The following IFT80 variants were observed in gnomAD, a reference collection of about 807,000 sequenced individuals.
IFT80 encodes the protein intraflagellar transport 80, also known as intraflagellar transport protein 80 homolog.
In IFT80, 79 loss-of-function variants were observed where a neutral mutation model predicts 107.9. The ratio of observed to expected loss-of-function variants is 0.73; its 90% CI spans 0.61 to 0.88. The LOEUF is 0.88. IFT80 is among the 40% of genes least tolerant of loss of function. IFT80 has a pLI of 0.00. For synonymous variants in IFT80, 299 were observed against 300.9 expected (o/e 0.99, Z 0.07); for missense variants, 797 against 914.2 (o/e 0.87, Z 1.65).
intron 19 of IFT80, among the ~76,000 whole-genome samples, chr3:160,266,184 C>G (rs1200117585): frequency 6.6e-6 from 1 of 151,316 alleles, no homozygotes; most frequent in African/African-American, 2.4e-5. Context: ...CCTAAAATAC[C>G]TAAGAAAGCC....
chr3:160,389,375 A>C (rs1481040401), intron 1 of IFT80, among the ~76,000 whole-genome samples: 1 of 151,960 alleles, frequency 6.6e-6, no homozygotes, highest in African/African-American at 2.4e-5. Flanking sequence ...ACATGTGCAC[A>C]ATGTGCAGGT....
intron 3 of IFT80, among the ~76,000 whole-genome samples, chr3:160,378,745 T>C (rs1329505048): frequency 1.3e-5 from 2 of 151,946 alleles, no homozygotes; most frequent in East Asian, 1.9e-4. Context: ...TAATAATATA[T>C]TTATGAAATA....
chr3:160,287,255 T>C (rs997664596), intron 12 of IFT80, among the ~76,000 whole-genome samples: 1 of 152,152 alleles, frequency 6.6e-6, no homozygotes, highest in Non-Finnish European at 1.5e-5. Context: ...CTGTGAGTCA[T>C]TTTAGTGAAT....
chr3:160,314,628 A>C (rs1040971439), intron 9 of IFT80, among the ~76,000 whole-genome samples: 1 of 152,214 alleles, frequency 6.6e-6, no homozygotes, highest in Non-Finnish European at 1.5e-5. Flanking sequence ...GAAGCCTCTA[A>C]GGAAACTGTA....
intron 8 of IFT80, among the ~76,000 whole-genome samples, chr3:160,322,016 T>G (rs537186434): frequency 2.0e-5 from 3 of 147,176 alleles, no homozygotes; most frequent in African/African-American, 7.4e-5. Flanking sequence ...ATTTATTTAT[T>G]TATTTATTTA....
In IFT80 at chr3:160,333,294, C is replaced by G. The variant is rs144413895; in HGVS notation, c.778-13355G>C. ...AGGCCTGAAACACTACTGCATACTACTATCAATTTTATAAACACTGTATAC... is the reference window on the plus strand; with the variant it reads ...AGGCCTGAAACACTACTGCATACTAGTATCAATTTTATAAACACTGTATAC... On this transcript the variant is annotated intron_variant, in intron 8 of 19. Coordinates refer to ENST00000326448, the MANE Select transcript of IFT80 (RefSeq NM_020800.3). Among the ~76,000 whole-genome samples, 142 of 152,226 alleles carry G rather than the reference C, an allele frequency of 9.3e-4. 1 individual carries two copies. Among genetic ancestry groups the G allele is most frequent in the East Asian group, 2.3e-3 (12 of 5,178 alleles).
intron 19 of IFT80, 113 bp from the exon 20 acceptor site, chr3:160,258,748 G>C (rs1255776490): frequency 3.1e-6 from 4 of 1,286,198 alleles, no homozygotes; most frequent in Non-Finnish European, 4.3e-6. Flanking sequence ...AAAGATTAGA[G>C]AAAAAGAGAG....
At position 160,333,434 on chromosome 3, in the gene IFT80, T is replaced by C. The variant is rs140181215; in HGVS notation, c.778-13495A>G. Among the ~76,000 whole-genome samples the C allele has an allele frequency of 6.6e-5, 10 of 152,358 alleles. No homozygotes were observed. The East Asian group carries it at 1.9e-3, about 29-fold the overall frequency. On this transcript the variant is annotated intron_variant, in intron 8 of 19. Transcript: ENST00000326448. ...TTAATTTTTTAAACTTTTTGACTCT[T>C]GTAGTAACACTAAACTTAAAATAAA...
At chr3:160,392,745 T>C (rs546695759) in intron 1 of IFT80, among the ~76,000 whole-genome samples, 16 of 152,320 alleles carry the variant, frequency 1.1e-4, no homozygotes, top group Admixed American at 9.8e-4. Flanking sequence ...CTACAATGTA[T>C]GCTCACCACA....
chr3:160,292,453 G>A (rs887510644), intron 12 of IFT80, among the ~76,000 whole-genome samples: 6 of 149,594 alleles, frequency 4.0e-5, no homozygotes, highest in African/African-American at 9.8e-5. Flanking sequence ...AAGAGATATA[G>A]ATTCCTGCAC....
At position 160,349,931 on chromosome 3, in the gene IFT80, T is replaced by C. The variant is rs11917897; in HGVS notation, c.777+6082A>G. Among the ~76,000 whole-genome samples the C allele has an allele frequency of 1.3e-3, 203 of 152,318 alleles. 1 individual carries two copies. The highest frequency in any genetic ancestry group is 4.6e-3 in the African/African-American group (191 of 41,564). Reference sequence around the variant, plus strand: ...GTCTCAATAAGCGATGCCCTTCTTATCTTTCATCACACTAACCTGCTTTGA... The same window carrying C: ...GTCTCAATAAGCGATGCCCTTCTTACCTTTCATCACACTAACCTGCTTTGA... On this transcript the variant is annotated intron_variant, in intron 8 of 19. Coordinates refer to ENST00000326448, the MANE Select transcript of IFT80 (RefSeq NM_020800.3).
At chr3:160,333,712 T>C (rs1719251669) in intron 8 of IFT80, among the ~76,000 whole-genome samples, 6 of 152,196 alleles carry the variant, frequency 3.9e-5, no homozygotes, top group Admixed American at 3.9e-4. Flanking sequence ...TCTCTTATGA[T>C]AACAATGTCT....
chr3:160,271,331 T>C (rs1713788773), intron 18 of IFT80, among the ~76,000 whole-genome samples: 1 of 152,166 alleles, frequency 6.6e-6, no homozygotes, highest in African/African-American at 2.4e-5. Flanking sequence ...CCATGTATTT[T>C]AAATAGAAGG....
chr3:160,280,564 G>T, intron 15 of IFT80, 103 bp downstream of exon 15: 1 of 912,638 alleles, frequency 1.1e-6, no homozygotes, highest in Non-Finnish European at 1.7e-6. Flanking sequence ...AAATCTGACT[G>T]ATGTGTAAAA....
chr3:160,371,139 C>G (rs1711508296), intron 5 of IFT80, among the ~76,000 whole-genome samples: 1 of 152,200 alleles, frequency 6.6e-6, no homozygotes, highest in South Asian at 2.1e-4. Flanking sequence ...GGCCTACACT[C>G]TGGCCCAAGG....
intron 18 of IFT80, among the ~76,000 whole-genome samples, chr3:160,271,895 G>C (rs1287954197): frequency 6.7e-6 from 1 of 150,370 alleles, no homozygotes; most frequent in East Asian, 1.9e-4. Context: ...AACCACTACA[G>C]CCAGTCATTA....
intron 1 of IFT80, among the ~76,000 whole-genome samples, chr3:160,392,126 A>G (rs1242738022): frequency 8.5e-5 from 13 of 152,192 alleles, no homozygotes; most frequent in Admixed American, 7.9e-4. Context: ...TTCAATCTTG[A>G]TAAGGGTGTT....
At chr3:160,309,974 A>C (rs1183397736) in intron 9 of IFT80, among the ~76,000 whole-genome samples, 1 of 152,178 alleles carries the variant, frequency 6.6e-6, no homozygotes, top group Non-Finnish European at 1.5e-5. Flanking sequence ...AAACAGCATA[A>C]ACTCGTGATG....
intron 5 of IFT80, among the ~76,000 whole-genome samples, chr3:160,375,451 T>C (rs1408361904): frequency 6.6e-6 from 1 of 152,174 alleles, no homozygotes; most frequent in African/African-American, 2.4e-5. Flanking sequence ...AGATACTCAA[T>C]ATCTTTTCGT....
Sources: gnomAD v4.1 joint callset for allele counts (sites outside exome capture counted in the v4.1 genomes callset) on GRCh38, gnomAD v4.1.1 for gene constraint, MANE v1.5 for transcripts, NCBI Gene and HGNC (gene_info 2026-07-23, HGNC 2026-07-21) for gene names.